RSF1: variants seen among roughly 807,000 people sequenced by gnomAD.
The protein encoded by RSF1 is remodeling and spacing factor 1, also known as HBV pX-associated protein 8.
A neutral mutation model predicts 145.2 loss-of-function variants in RSF1; 13 were observed. The observed-to-expected ratio is 0.09, with a 90% confidence interval of 0.06 to 0.14. The LOEUF is 0.14. RSF1 is among the 10% of genes least tolerant of loss of function. The pLI is 1.00. For missense variants in RSF1, 1,517 were observed against 1,718.2 expected, an observed-to-expected ratio of 0.88 and a Z score of 2.07; for synonymous variants, 577 against 592.6, an observed-to-expected ratio of 0.97 and a Z score of 0.38.
In RSF1 at chr11:77,759,332, G is replaced by A. The variant is rs73493811; in HGVS notation, c.279+5266C>T. On this transcript the variant is annotated intron_variant, in intron 2 of 15. Coordinates refer to ENST00000308488, the MANE Select transcript of RSF1 (RefSeq NM_016578.4). ...TTGAGATCGGCCTGGGCAATGTGGC[G>A]AGATGCCACCTCTACAAAAAATAAA... Among the ~76,000 whole-genome samples, 273 of 152,258 alleles carry A rather than the reference G, an allele frequency of 1.8e-3. 2 individuals are homozygous for A. The highest frequency in any genetic ancestry group is 6.8e-3 in the Middle Eastern group (2 of 294).
chr11:77,774,465 G>A (rs1337754812), intron 1 of RSF1, among the ~76,000 whole-genome samples: 4 of 151,856 alleles, frequency 2.6e-5, no homozygotes, highest in South Asian at 2.1e-4. Flanking sequence ...CCAGCTACTC[G>A]GGAGGCTGAG....
intron 1 of RSF1, among the ~76,000 whole-genome samples, chr11:77,793,825 T>C (rs1025155476): frequency 1.3e-5 from 2 of 152,044 alleles, no homozygotes; most frequent in African/African-American, 4.8e-5. Flanking sequence ...CGGTCTTCCA[T>C]CAAGGGTGTA....
At position 77,667,268 on chromosome 11, in the gene RSF1, G is replaced by C. The variant is rs112713203; in HGVS notation, c.3975C>G (p.Ser1325Arg). The C allele has an allele frequency of 1.9e-6, 3 of 1,614,008 alleles. No individual in the cohort carries two copies. In the African/African-American group the frequency reaches 4.0e-5, roughly 22 times the overall value. ...GTTCTGAGGGCAGGACCCTAGGCTG[G>C]CTGTCACGGGCAGGCTGATTTGCAT... ...HGDANQPARD[S>R]QPRVLPSEQE... Residue 1325 changes from serine to arginine, a missense_variant, in exon 16 of 16, where the codon AGC becomes AGG. By Grantham distance (110) the Ser-to-Arg change is moderately radical (BLOSUM62 -1). Coordinates refer to ENST00000308488, the MANE Select transcript of RSF1 (RefSeq NM_016578.4).
intron 4 of RSF1, among the ~76,000 whole-genome samples, chr11:77,737,074 CAT>C (rs1208717544): frequency 6.6e-6 from 1 of 152,164 alleles, no homozygotes; most frequent in South Asian, 2.1e-4. Flanking sequence ...TAAATAGAAA[CAT>C]ATGTATTCAC....
In RSF1 at chr11:77,683,120, G is replaced by A. The variant is rs537446466; in HGVS notation, c.3065+590C>T. Among the ~76,000 whole-genome samples, 15 of 151,954 alleles carry A rather than the reference G, an allele frequency of 9.9e-5. No individual in the cohort carries two copies. In the South Asian group the frequency reaches 2.5e-3, roughly 25 times the overall value. On this transcript the variant is annotated intron_variant, in intron 11 of 15. Coordinates refer to ENST00000308488, the MANE Select transcript of RSF1 (RefSeq NM_016578.4). ...ATCCTGGCCAACATGGTGAAACCCC[G>A]TCTCTACTAAAAATACAAAAATTAG...
At chr11:77,841,019 T>C in the RSF1 span, 1 of 559,258 alleles carries the variant, frequency 1.8e-6, no homozygotes, top group South Asian at 2.6e-5. Context: ...TTTCTCACAG[T>C]TCTGGAGGCT....
At position 77,688,207 on chromosome 11, in the gene RSF1, G is replaced by A. The variant is rs993268113; in HGVS notation, c.2900+2952C>T. Among the ~76,000 whole-genome samples, 7 of 152,202 alleles carry A rather than the reference G, an allele frequency of 4.6e-5. No homozygotes were observed. In the East Asian group the frequency reaches 9.7e-4, roughly 21 times the overall value. On this transcript the variant is annotated intron_variant, in intron 9 of 15. Coordinates refer to ENST00000308488, the MANE Select transcript of RSF1 (RefSeq NM_016578.4). The stretch of plus-strand genomic sequence containing the variant: ...CTCGAGAGGCTGAGGCAGAAGAATC[G>A]CTTGAACCCAGGAGGCAGAGGTTGC...
intron 4 of RSF1, among the ~76,000 whole-genome samples, chr11:77,733,310 A>G (rs775089564): frequency 1.5e-4 from 23 of 152,138 alleles, no homozygotes; most frequent in South Asian, 6.2e-4. Context: ...TCTACAATGA[A>G]TAATGATGCT....
Position 77,698,607 on chromosome 11 carries a change from A to G in RSF1, c.2595T>C (p.Ser865=). The change falls in exon 7 of 16, where the codon TCT becomes TCC. Residue 865 remains serine, a synonymous_variant. Coordinates refer to ENST00000308488, the MANE Select transcript of RSF1 (RefSeq NM_016578.4). ...KYSSNDESEG[S]GSEKSSAASE... is the part of the protein sequence containing the mutation. ...AAGCTGCAGATGATTTTTCACTGCC[A>G]GACCCTTCACTTTCATCATTGCTGG... is the stretch of plus-strand genomic sequence containing the variant. 1.9e-6 allele frequency: 3 copies of G among 1,614,134 alleles called. No homozygotes were observed. Among genetic ancestry groups the G allele is most frequent in the Non-Finnish European group, 2.5e-6 (3 of 1,180,014 alleles).
At chr11:77,775,156 G>A (rs1054278444) in intron 1 of RSF1, among the ~76,000 whole-genome samples, 1 of 151,432 alleles carries the variant, frequency 6.6e-6, no homozygotes, top group East Asian at 2.0e-4. Flanking sequence ...GCTGAGACAG[G>A]AGAATCTCTT....
intron 8 of RSF1, 29 bp downstream of exon 8, chr11:77,693,478 A>G (rs911055810): frequency 1.4e-6 from 2 of 1,393,342 alleles, no homozygotes; most frequent in Admixed American, 1.7e-5. Context: ...AAACTCAAAG[A>G]CTAGAAAAAC....
chr11:77,710,572 T>C (rs1960655147), intron 5 of RSF1, among the ~76,000 whole-genome samples: 1 of 152,212 alleles, frequency 6.6e-6, no homozygotes, highest in African/African-American at 2.4e-5. Flanking sequence ...CTGTGAATCA[T>C]CACTTCAACA....
At chr11:77,778,306 T>C (rs1480737869) in intron 1 of RSF1, among the ~76,000 whole-genome samples, 1 of 148,528 alleles carries the variant, frequency 6.7e-6, no homozygotes, top group Non-Finnish European at 1.5e-5. Context: ...CTTCAGGCTT[T>C]AGAGAAAAAC....
Position 77,665,187 on chromosome 11 carries a change from C to T in RSF1, c.*1730G>A, listed in dbSNP as rs1959330988. 1 of 152,126 alleles carries T rather than the reference C, an allele frequency of 6.6e-6. No homozygotes were observed. The highest frequency in any genetic ancestry group is 1.5e-5 in the Non-Finnish European group (1 of 68,008). The allele number at this position is 152,126 out of a possible 1,614,324, so 9.4% of individuals were successfully genotyped here. ...AGTTCCTAGAGAGGTATTTATAATG[C>T]AAATCTAATGCCAGCTTTTTAGTAA... On this transcript the variant is annotated 3_prime_UTR_variant, in exon 16 of 16. Coordinates refer to ENST00000308488, the MANE Select transcript of RSF1 (RefSeq NM_016578.4).
intron 5 of RSF1, among the ~76,000 whole-genome samples, chr11:77,719,133 G>A (rs917047260): frequency 2.0e-5 from 3 of 152,054 alleles, no homozygotes; most frequent in Non-Finnish European, 4.4e-5. Flanking sequence ...TGTAGTCCCA[G>A]CGAGGCAGGA....
At chr11:77,776,478 G>A (rs1415211478) in intron 1 of RSF1, among the ~76,000 whole-genome samples, 1 of 152,102 alleles carries the variant, frequency 6.6e-6, no homozygotes, top group Non-Finnish European at 1.5e-5. Flanking sequence ...ACCTAGATGA[G>A]TAGCATACTA....
chr11:77,693,411 C>T (rs1960205753), intron 8 of RSF1, 96 bp downstream of exon 8: 1 of 735,264 alleles, frequency 1.4e-6, no homozygotes. Context: ...TTACACATTG[C>T]TTTGAAGGTT....
At chr11:77,789,207 A>T (rs929140703) in intron 1 of RSF1, among the ~76,000 whole-genome samples, 2 of 152,162 alleles carry the variant, frequency 1.3e-5, no homozygotes, top group African/African-American at 4.8e-5. Context: ...GATTTCTGCA[A>T]TTCTAGCTAG....
At chr11:77,743,179 TC>T (rs1947960330) in intron 3 of RSF1, among the ~76,000 whole-genome samples, 1 of 152,180 alleles carries the variant, frequency 6.6e-6, no homozygotes, top group Non-Finnish European at 1.5e-5. Flanking sequence ...GTATGATGCC[TC>T]CAGTTTTGTT....
Sources: allele counts gnomAD v4.1 joint callset (sites outside exome capture counted in the v4.1 genomes callset), GRCh38; gene constraint gnomAD v4.1.1; transcripts MANE v1.5; gene names NCBI Gene and HGNC (gene_info 2026-07-23, HGNC 2026-07-21).